GARIN1B: variants seen among roughly 807,000 people sequenced by gnomAD.
The protein encoded by GARIN1B is Golgi-associated RAB2 interactor protein 1B.
At chr7:128,730,281 A>G in the GARIN1B span, among the ~76,000 whole-genome samples, 1 of 152,122 alleles carries the variant, frequency 6.6e-6, no homozygotes, top group Non-Finnish European at 1.5e-5. Flanking sequence ...GAGTTCCCCC[A>G]GATGCTGTTG....
At chr7:128,730,188 G>C in the GARIN1B span, 1 of 1,189,710 alleles carries the variant, frequency 8.4e-7, no homozygotes, top group South Asian at 1.5e-5. Context: ...TGTGGTCGAG[G>C]AATGCTGGCC....
At chr7:128,724,289 G>C in the GARIN1B span, among the ~76,000 whole-genome samples, 3 of 152,220 alleles carry the variant, frequency 2.0e-5, no homozygotes, top group African/African-American at 7.2e-5. Context: ...AGGACTACAG[G>C]CGTGAGCCAC....
chr7:128,723,837 A>G, the GARIN1B span, among the ~76,000 whole-genome samples: 1 of 151,890 alleles, frequency 6.6e-6, no homozygotes, highest in African/African-American at 2.4e-5. Flanking sequence ...TCCTTGACTC[A>G]GGACAACCTT....
At chr7:128,727,168 TC>T in the GARIN1B span, among the ~76,000 whole-genome samples, 8 of 152,224 alleles carry the variant, frequency 5.3e-5, no homozygotes, top group Non-Finnish European at 1.5e-5. Flanking sequence ...TTCCATAAGT[TC>T]ATTTATCCAT....
At chr7:128,709,499 C>T in the GARIN1B span, among the ~76,000 whole-genome samples, 1 of 152,096 alleles carries the variant, frequency 6.6e-6, no homozygotes, top group Non-Finnish European at 1.5e-5. Flanking sequence ...AATTTTAAGC[C>T]ATTTATAGAA....
chr7:128,714,075 G>A, the GARIN1B span: 1 of 1,535,810 alleles, frequency 6.5e-7, no homozygotes, highest in Non-Finnish European at 8.7e-7. Flanking sequence ...GCTATAACAG[G>A]TGCTGGAGCA....
chr7:128,729,792 G>A, the GARIN1B span: 1 of 1,175,672 alleles, frequency 8.5e-7, no homozygotes, highest in East Asian at 2.4e-5. Flanking sequence ...GCACGTAATT[G>A]TTTGGAATGG....
At chr7:128,728,896 C>A in the GARIN1B span, among the ~76,000 whole-genome samples, 1 of 152,216 alleles carries the variant, frequency 6.6e-6, no homozygotes, top group Non-Finnish European at 1.5e-5. Context: ...CGACTAATGA[C>A]ATGATGGTGA....
chr7:128,716,365 C>A, the GARIN1B span, among the ~76,000 whole-genome samples: 1 of 151,882 alleles, frequency 6.6e-6, no homozygotes. Context: ...CGGGGAAGGA[C>A]CAAGAGGATA....
chr7:128,716,901 T>C, the GARIN1B span: 66 of 1,613,504 alleles, frequency 4.1e-5, no homozygotes, highest in Non-Finnish European at 5.0e-5. Flanking sequence ...TGCCTGCCCC[T>C]CCCCAACATC....
At chr7:128,726,310 G>A in the GARIN1B span, among the ~76,000 whole-genome samples, 5 of 152,310 alleles carry the variant, frequency 3.3e-5, no homozygotes, top group East Asian at 9.6e-4. Flanking sequence ...TGGGCAGATC[G>A]GAAGGATGTA....
the GARIN1B span, chr7:128,716,884 G>A: frequency 1.5e-5 from 24 of 1,613,762 alleles, no homozygotes; most frequent in Admixed American, 8.3e-5. Flanking sequence ...TGACCTCCTC[G>A]GTACCCTGCC....
At chr7:128,726,037 G>A in the GARIN1B span, among the ~76,000 whole-genome samples, 1 of 152,220 alleles carries the variant, frequency 6.6e-6, no homozygotes, top group African/African-American at 2.4e-5. Context: ...GAAGAAGCTT[G>A]GTGGAAGGCC....
the GARIN1B span, chr7:128,714,037 G>A: frequency 6.5e-7 from 1 of 1,535,104 alleles, no homozygotes; most frequent in African/African-American, 1.4e-5. Context: ...AGAAAAGTGA[G>A]GTTGGAAGTT....
At chr7:128,716,581 G>A in the GARIN1B span, among the ~76,000 whole-genome samples, 12,954 of 152,172 alleles carry the variant, frequency 0.085, 888 homozygotes, top group East Asian at 0.24. Context: ...AACATTTGAC[G>A]ATGTCTGGAG....
the GARIN1B span, chr7:128,723,497 G>T: frequency 1.9e-6 from 1 of 525,984 alleles, no homozygotes; most frequent in Non-Finnish European, 3.1e-6. Context: ...TGGATTGCTT[G>T]AGGTCAGGAA....
the GARIN1B span, among the ~76,000 whole-genome samples, chr7:128,724,598 C>T: frequency 5.9e-5 from 9 of 152,030 alleles, no homozygotes; most frequent in Non-Finnish European, 1.5e-5. Flanking sequence ...AGGAGTTGAG[C>T]GTACTTAGAC....
At chr7:128,722,243 C>A in the GARIN1B span, among the ~76,000 whole-genome samples, 1 of 152,068 alleles carries the variant, frequency 6.6e-6, no homozygotes, top group Non-Finnish European at 1.5e-5. Flanking sequence ...CTTTTTGCCC[C>A]AGAACATGAT....
At chr7:128,730,633 G>A in the GARIN1B span, among the ~76,000 whole-genome samples, 2 of 149,684 alleles carry the variant, frequency 1.3e-5, no homozygotes, top group Non-Finnish European at 2.9e-5. Flanking sequence ...AAAGTAAAAT[G>A]TCATGAATAA....
Sources: gnomAD v4.1 joint callset for allele counts (sites outside exome capture counted in the v4.1 genomes callset) on GRCh38, gnomAD v4.1.1 for gene constraint, MANE v1.5 for transcripts, NCBI Gene and HGNC (gene_info 2026-07-23, HGNC 2026-07-21) for gene names.